Variants in SLC25A21 observed in about 807,000 individuals in gnomAD.
The protein encoded by SLC25A21 is mitochondrial 2-oxodicarboxylate carrier.
A neutral mutation model predicts 43.8 loss-of-function variants in SLC25A21; 47 were observed. The ratio of observed to expected loss-of-function variants is 1.07; its 90% CI spans 0.85 to 1.37. The LOEUF is 1.37. Among genes scored for constraint, SLC25A21 ranks in the 40% most tolerant of loss-of-function variants. The pLI is 0.00. For synonymous variants in SLC25A21, 131 were observed against 121.3 expected, an observed-to-expected ratio of 1.08 and a Z score of -0.52; for missense variants, 352 against 350.2, an observed-to-expected ratio of 1.00 and a Z score of -0.04.
At position 37,013,227 on chromosome 14, in the gene SLC25A21, C is replaced by T. The variant is rs78412106; in HGVS notation, c.71-138223G>A. On this transcript the variant is annotated intron_variant, in intron 1 of 9. Coordinates refer to ENST00000331299, the MANE Select transcript of SLC25A21 (RefSeq NM_030631.4). Reference sequence around the variant, plus strand: ...AGACACGGAGCTTGTTTTAACTATTCGTATGTCTATGTTGGCTTTACAGAT... The same window carrying T: ...AGACACGGAGCTTGTTTTAACTATTTGTATGTCTATGTTGGCTTTACAGAT... 7.3e-3 allele frequency among the ~76,000 whole-genome samples: 1,118 copies of T among 152,170 alleles called. 17 individuals carry two copies. The highest frequency in any genetic ancestry group is 0.025 in the African/African-American group (1,048 of 41,528).
At chr14:36,971,978 T>C (rs1176832205) in intron 1 of SLC25A21, among the ~76,000 whole-genome samples, 5 of 152,192 alleles carry the variant, frequency 3.3e-5, no homozygotes, top group African/African-American at 9.7e-5. Flanking sequence ...TGTGTGTATA[T>C]ATACACACAC....
intron 1 of SLC25A21, among the ~76,000 whole-genome samples, chr14:36,942,742 A>G (rs796741548): frequency 7.9e-5 from 12 of 152,314 alleles, no homozygotes; most frequent in African/African-American, 2.6e-4. Flanking sequence ...TTCTCCATCA[A>G]GCAAAGAATT....
intron 7 of SLC25A21, among the ~76,000 whole-genome samples, chr14:36,693,354 G>T (rs1044136169): frequency 5.3e-5 from 8 of 152,174 alleles, no homozygotes; most frequent in Admixed American, 3.9e-4. Context: ...ATGAACATGG[G>T]AGAAAATGTG....
At chr14:37,061,358 C>G (rs1480574036) in intron 1 of SLC25A21, among the ~76,000 whole-genome samples, 1 of 152,190 alleles carries the variant, frequency 6.6e-6, no homozygotes, top group Admixed American at 6.5e-5. Flanking sequence ...GTAGACCACC[C>G]AGTCTTCTTG....
intron 1 of SLC25A21, among the ~76,000 whole-genome samples, chr14:37,052,072 G>A (rs958529909): frequency 7.2e-5 from 10 of 139,040 alleles, no homozygotes; most frequent in African/African-American, 2.3e-4. Flanking sequence ...TTAAAACCAT[G>A]ATTTGAATTA....
chr14:36,703,346 T>C (rs1388047018), intron 7 of SLC25A21, among the ~76,000 whole-genome samples: 2 of 152,306 alleles, frequency 1.3e-5, no homozygotes, highest in South Asian at 2.1e-4. Context: ...TTTCTTCTGA[T>C]AAAATGAAGT....
chr14:37,157,595 T>C (rs1963873361), intron 1 of SLC25A21, among the ~76,000 whole-genome samples: 1 of 151,970 alleles, frequency 6.6e-6, no homozygotes, highest in Admixed American at 6.6e-5. Flanking sequence ...AAAGCAATGC[T>C]AAGAGGGAAG....
At chr14:36,926,996 C>T (rs1892149925) in intron 1 of SLC25A21, among the ~76,000 whole-genome samples, 1 of 151,894 alleles carries the variant, frequency 6.6e-6, no homozygotes, top group Non-Finnish European at 1.5e-5. Flanking sequence ...ATGGTGAAAC[C>T]CCAACTCTAC....
rs570484799 is a variant in SLC25A21, at chr14:37,159,481, A to G, written c.70+12800T>C. On this transcript the variant is annotated intron_variant, in intron 1 of 9. Transcript: ENST00000331299. ...GACAAGAGTCTCTGGGTGGGGAAAGAATACGCTCTTCAAAAAATGGTACTA... is the reference window on the plus strand; with the variant it reads ...GACAAGAGTCTCTGGGTGGGGAAAGGATACGCTCTTCAAAAAATGGTACTA... Among the ~76,000 whole-genome samples, 4 of 152,220 alleles carry G rather than the reference A, an allele frequency of 2.6e-5. No individual in the cohort carries two copies. The South Asian group carries it at 8.3e-4, about 32-fold the overall frequency.
intron 1 of SLC25A21, among the ~76,000 whole-genome samples, chr14:36,909,859 A>G (rs1475734797): frequency 6.6e-6 from 1 of 152,040 alleles, no homozygotes; most frequent in Admixed American, 6.6e-5. Context: ...AAGGGAATAT[A>G]TAGATTTTTT....
intron 1 of SLC25A21, among the ~76,000 whole-genome samples, chr14:37,159,209 G>A (rs1172307624): frequency 6.8e-5 from 3 of 44,310 alleles, no homozygotes; most frequent in African/African-American, 1.1e-4. Flanking sequence ...TTGGCTTCAC[G>A]GAACAGAAAA....
intron 1 of SLC25A21, among the ~76,000 whole-genome samples, chr14:36,960,658 T>C (rs1116306): frequency 0.37 from 56,262 of 151,946 alleles, 10,607 homozygotes; most frequent in South Asian, 0.48. Flanking sequence ...CTAAAGGTGG[T>C]CTCATTGTTA....
chr14:36,679,167 A>C lies in SLC25A21; in HGVS notation c.*1491T>G. 2.0e-6 allele frequency: 2 copies of C among 985,344 alleles called. No individual in the cohort carries two copies. Among genetic ancestry groups the C allele is most frequent in the Non-Finnish European group, 2.4e-6 (2 of 829,856 alleles). 61.0% of individuals were successfully genotyped at this position (985,344 alleles called of 1,614,324 possible). A position where few individuals can be genotyped will look rare whatever the true frequency, so the allele number is the denominator to read the frequency against. On this transcript the variant is annotated 3_prime_UTR_variant, in exon 10 of 10. Coordinates refer to ENST00000331299, the MANE Select transcript of SLC25A21 (RefSeq NM_030631.4). Reference sequence around the variant, plus strand: ...TAGAATGCAGTTGTGCAACAGAGACACATTCTTATTTCTTTTTTTTCACAA... The same window carrying C: ...TAGAATGCAGTTGTGCAACAGAGACCCATTCTTATTTCTTTTTTTTCACAA...
At chr14:36,682,979 A>G (rs1882351439) in intron 9 of SLC25A21, among the ~76,000 whole-genome samples, 1 of 152,168 alleles carries the variant, frequency 6.6e-6, no homozygotes, top group Admixed American at 6.6e-5. Flanking sequence ...GCAGGGTAGG[A>G]GGACAATAGT....
intron 1 of SLC25A21, among the ~76,000 whole-genome samples, chr14:37,057,060 T>G (rs911127355): frequency 1.3e-5 from 2 of 152,244 alleles, no homozygotes; most frequent in African/African-American, 2.4e-5. Context: ...ATTTGGGGTT[T>G]AATGTGAATT....
chr14:36,842,600 C>A (rs929959480), intron 2 of SLC25A21, among the ~76,000 whole-genome samples: 1 of 152,140 alleles, frequency 6.6e-6, no homozygotes, highest in African/African-American at 2.4e-5. Context: ...CTATTATTTG[C>A]AGTTAAACAA....
At chr14:36,974,534 G>T (rs1047221690) in intron 1 of SLC25A21, among the ~76,000 whole-genome samples, 1 of 152,148 alleles carries the variant, frequency 6.6e-6, no homozygotes, top group Non-Finnish European at 1.5e-5. Flanking sequence ...ACTTTGCTAT[G>T]AAAACTTACT....
chr14:36,713,165 G>T (rs1163184954), intron 6 of SLC25A21, among the ~76,000 whole-genome samples: 1 of 152,148 alleles, frequency 6.6e-6, no homozygotes, highest in African/African-American at 2.4e-5. Flanking sequence ...GAGCTCCGAG[G>T]CCATCTAAGT....
intron 3 of SLC25A21, among the ~76,000 whole-genome samples, chr14:36,783,540 A>G (rs1887147657): frequency 6.6e-6 from 1 of 152,112 alleles, no homozygotes; most frequent in South Asian, 2.1e-4. Flanking sequence ...GCAGCATCCC[A>G]CATAGCTGGG....
Sources: allele counts gnomAD v4.1 joint callset (sites outside exome capture counted in the v4.1 genomes callset), GRCh38; gene constraint gnomAD v4.1.1; transcripts MANE v1.5; gene names NCBI Gene and HGNC (gene_info 2026-07-23, HGNC 2026-07-21).